Variants in NRCAM observed in about 807,000 individuals in gnomAD.
NRCAM encodes the protein neuronal cell adhesion molecule, also known as NgCAM-related cell adhesion molecule.
In NRCAM, 83 loss-of-function variants were observed where a neutral mutation model predicts 156.5. The observed-to-expected ratio is 0.53, with a 90% CI of 0.44 to 0.64. NRCAM has a LOEUF of 0.64. NRCAM is among the 30% of genes least tolerant of loss of function. The pLI, the probability that NRCAM is intolerant of heterozygous loss-of-function variation, is 0.00. For synonymous variants in NRCAM, 538 were observed against 563.9 expected, an observed-to-expected ratio of 0.95 and a Z score of 0.65; for missense variants, 1,417 against 1,597.3, an observed-to-expected ratio of 0.89 and a Z score of 1.92.
At chr7:108,384,265 T>C (rs937251861) in intron 2 of NRCAM, among the ~76,000 whole-genome samples, 6 of 151,410 alleles carry the variant, frequency 4.0e-5, no homozygotes, top group Non-Finnish European at 5.9e-5. Flanking sequence ...AAAAACCCAA[T>C]AATAAAAATT....
At chr7:108,343,866 C>G (rs2099322257) in intron 2 of NRCAM, among the ~76,000 whole-genome samples, 1 of 152,206 alleles carries the variant, frequency 6.6e-6, no homozygotes, top group South Asian at 2.1e-4. Flanking sequence ...AATCACCATA[C>G]ATTTCAATCC....
At chr7:108,408,868 T>C (rs1791727798) in intron 1 of NRCAM, among the ~76,000 whole-genome samples, 1 of 152,120 alleles carries the variant, frequency 6.6e-6, no homozygotes, top group Non-Finnish European at 1.5e-5. Flanking sequence ...TTGGGTTCAG[T>C]GGGATGACTG....
chr7:108,244,710 G>A (rs539920653), intron 3 of NRCAM, among the ~76,000 whole-genome samples: 38 of 152,144 alleles, frequency 2.5e-4, no homozygotes, highest in Non-Finnish European at 4.7e-4. Flanking sequence ...TAAGGACCAC[G>A]TTTCTAATTT....
intron 23 of NRCAM, 64 bp downstream of exon 23, chr7:108,182,631 G>C: frequency 6.9e-7 from 1 of 1,444,600 alleles, no homozygotes; most frequent in South Asian, 1.2e-5. Context: ...AAGGAGAAAT[G>C]GCCTTGGCTT....
chr7:108,307,176 G>A (rs1035464973), intron 3 of NRCAM, among the ~76,000 whole-genome samples: 3 of 152,228 alleles, frequency 2.0e-5, no homozygotes, highest in Non-Finnish European at 4.4e-5. Context: ...AAAGACCCAT[G>A]TGTAAAAGGG....
At position 108,308,026 on chromosome 7, in the gene NRCAM, C is replaced by T. The variant is rs17155411; in HGVS notation, c.-107+4639G>A. 5.1e-3 allele frequency among the ~76,000 whole-genome samples: 773 copies of T among 152,256 alleles called. 16 individuals carry two copies. Among genetic ancestry groups the T allele is most frequent in the East Asian group, 0.047 (243 of 5,180 alleles). On this transcript the variant is annotated intron_variant, in intron 3 of 32. Coordinates refer to ENST00000379028, the MANE Select transcript of NRCAM (RefSeq NM_001037132.4). ...ATTGTCCATACTTGGAGTATCTCAC[C>T]CATTAGGTTATGTTGCACAATTAAA... is the stretch of plus-strand genomic sequence containing the variant.
chr7:108,369,058 T>C (rs988395564), intron 2 of NRCAM, among the ~76,000 whole-genome samples: 2 of 152,180 alleles, frequency 1.3e-5, no homozygotes, highest in African/African-American at 4.8e-5. Context: ...TAATTCTCTT[T>C]GTAAAACCAA....
At chr7:108,393,664 T>C (rs1373945185) in intron 2 of NRCAM, among the ~76,000 whole-genome samples, 1 of 152,134 alleles carries the variant, frequency 6.6e-6, no homozygotes, top group Non-Finnish European at 1.5e-5. Flanking sequence ...TCAACCGTCT[T>C]CTGTGTCGCT....
intron 2 of NRCAM, among the ~76,000 whole-genome samples, chr7:108,389,789 C>T (rs1215968108): frequency 6.6e-5 from 10 of 152,056 alleles, no homozygotes. Context: ...TTGTCAAAGG[C>T]CTTTTCTGCA....
chr7:108,198,908 C>G (rs1352905946), intron 13 of NRCAM, among the ~76,000 whole-genome samples: 8 of 152,276 alleles, frequency 5.3e-5, no homozygotes, highest in African/African-American at 1.7e-4. Context: ...CTGGGTAACA[C>G]AGTATGTGAG....
At chr7:108,318,509 C>G (rs982685994) in intron 2 of NRCAM, among the ~76,000 whole-genome samples, 2 of 152,134 alleles carry the variant, frequency 1.3e-5, no homozygotes, top group Non-Finnish European at 2.9e-5. Context: ...AAAGTAATAT[C>G]AGGAACGTTC....
chr7:108,401,078 G>A (rs1299140637), intron 1 of NRCAM, among the ~76,000 whole-genome samples: 2 of 152,032 alleles, frequency 1.3e-5, no homozygotes, highest in African/African-American at 4.8e-5. Flanking sequence ...TGATCAACAT[G>A]GTGAAACCCC....
chr7:108,207,443 ATTTT>A, intron 13 of NRCAM, 81 bp downstream of exon 13: 2 of 1,409,626 alleles, frequency 1.4e-6, no homozygotes, highest in Non-Finnish European at 1.9e-6. Context: ...AACCTGAGTT[ATTTT>A]TTTATCACCA....
At chr7:108,348,689 G>T (rs976258862) in intron 2 of NRCAM, among the ~76,000 whole-genome samples, 1 of 152,070 alleles carries the variant, frequency 6.6e-6, no homozygotes, top group African/African-American at 2.4e-5. Flanking sequence ...CGAGGCAAGT[G>T]GATCACTGGA....
At chr7:108,383,596 A>T (rs1478176490) in intron 2 of NRCAM, among the ~76,000 whole-genome samples, 1 of 152,200 alleles carries the variant, frequency 6.6e-6, no homozygotes, top group Non-Finnish European at 1.5e-5. Flanking sequence ...GCTCATGGCG[A>T]ATAGATCTAA....
intron 3 of NRCAM, among the ~76,000 whole-genome samples, chr7:108,294,193 G>GT (rs56717039): frequency 0.017 from 1,458 of 87,956 alleles, 47 homozygotes; most frequent in African/African-American, 0.023. Flanking sequence ...TTCTTTACTG[G>GT]TTTTTTTTTT....
chr7:108,366,702 A>T (rs888220591), intron 2 of NRCAM, among the ~76,000 whole-genome samples: 11 of 152,224 alleles, frequency 7.2e-5, no homozygotes, highest in South Asian at 2.1e-4. Context: ...AGTCAACCAA[A>T]AGAAAATTCA....
intron 5 of NRCAM, among the ~76,000 whole-genome samples, chr7:108,235,035 G>A (rs1250585177): frequency 1.3e-5 from 2 of 152,106 alleles, no homozygotes; most frequent in Non-Finnish European, 2.9e-5. Context: ...TTCAAATGAT[G>A]TTTTTCAAAG....
chr7:108,305,963 A>G (rs1442722414), intron 3 of NRCAM, among the ~76,000 whole-genome samples: 19 of 152,370 alleles, frequency 1.2e-4, no homozygotes, highest in Admixed American at 9.8e-4. Flanking sequence ...AGAGAAGTTT[A>G]TGTATGCAAA....
Sources: allele counts gnomAD v4.1 joint callset (sites outside exome capture counted in the v4.1 genomes callset), GRCh38; gene constraint gnomAD v4.1.1; transcripts MANE v1.5; gene names NCBI Gene and HGNC (gene_info 2026-07-23, HGNC 2026-07-21).